Variants in SLC71A1 observed in about 807,000 individuals in gnomAD.
SLC71A1 encodes hippocampus abundant gene transcript 1.
the SLC71A1 span, among the ~76,000 whole-genome samples, chr1:100,053,050 T>C: frequency 2.0e-5 from 3 of 151,950 alleles, no homozygotes; most frequent in African/African-American, 7.3e-5. Context: ...TCCCAGAGTG[T>C]TGGGATTACA....
the SLC71A1 span, among the ~76,000 whole-genome samples, chr1:100,074,915 C>G: frequency 6.6e-6 from 1 of 152,032 alleles, no homozygotes; most frequent in African/African-American, 2.4e-5. Context: ...AATATATTCT[C>G]CAGTTAATCT....
chr1:100,038,445 G>A, the SLC71A1 span: 2 of 767,240 alleles, frequency 2.6e-6, no homozygotes, highest in South Asian at 3.2e-5. Context: ...CGAGCTGCCG[G>A]TGCCTCGGGG....
At chr1:100,046,408 T>G in the SLC71A1 span, among the ~76,000 whole-genome samples, 1 of 151,928 alleles carries the variant, frequency 6.6e-6, no homozygotes, top group East Asian at 1.9e-4. Flanking sequence ...GTATTTTTAG[T>G]AGAGACGGGG....
the SLC71A1 span, chr1:100,077,342 C>A: frequency 3.7e-6 from 3 of 805,928 alleles, no homozygotes; most frequent in Non-Finnish European, 6.3e-6. Context: ...TTTTTATTTG[C>A]TTCTCAACTG....
At chr1:100,073,630 G>A in the SLC71A1 span, among the ~76,000 whole-genome samples, 9 of 152,162 alleles carry the variant, frequency 5.9e-5, no homozygotes, top group Non-Finnish European at 2.9e-5. Context: ...TGTTAAATAA[G>A]CAGGCTCATA....
At chr1:100,072,305 G>A in the SLC71A1 span, among the ~76,000 whole-genome samples, 5 of 152,084 alleles carry the variant, frequency 3.3e-5, no homozygotes, top group African/African-American at 7.2e-5. Context: ...TCTTACCCAC[G>A]TGCTTTTGTT....
chr1:100,080,334 T>G, the SLC71A1 span: 1 of 598,170 alleles, frequency 1.7e-6, no homozygotes. Flanking sequence ...GTAGAGCTGA[T>G]AGCTTCTAAA....
At chr1:100,051,153 G>A in the SLC71A1 span, among the ~76,000 whole-genome samples, 1 of 151,840 alleles carries the variant, frequency 6.6e-6, no homozygotes. Flanking sequence ...AGTACTTTGG[G>A]AGGCCAAGGC....
the SLC71A1 span, chr1:100,081,919 T>A: frequency 9.8e-7 from 1 of 1,022,944 alleles, no homozygotes. Context: ...TTGTAATTCA[T>A]AAGTTAATAC....
At chr1:100,080,642 CA>C in the SLC71A1 span, 1 of 1,613,886 alleles carries the variant, frequency 6.2e-7, no homozygotes, top group Non-Finnish European at 8.5e-7. Context: ...CACAAGCCCT[CA>C]GCACCACTTT....
At chr1:100,057,724 C>G in the SLC71A1 span, among the ~76,000 whole-genome samples, 2 of 152,148 alleles carry the variant, frequency 1.3e-5, no homozygotes, top group African/African-American at 4.8e-5. Flanking sequence ...AGAAGAATAA[C>G]TGAAGAAAGG....
chr1:100,057,511 C>G, the SLC71A1 span, among the ~76,000 whole-genome samples: 2 of 151,884 alleles, frequency 1.3e-5, no homozygotes, highest in Non-Finnish European at 2.9e-5. Context: ...CCTGCCACCA[C>G]GCCTGGCTAA....
At chr1:100,066,563 C>A in the SLC71A1 span, among the ~76,000 whole-genome samples, 1 of 152,148 alleles carries the variant, frequency 6.6e-6, no homozygotes, top group Non-Finnish European at 1.5e-5. Context: ...GGCCCAAGAC[C>A]GTTCTTCCAG....
the SLC71A1 span, chr1:100,082,536 G>A: frequency 3.5e-6 from 1 of 286,170 alleles, no homozygotes; most frequent in Non-Finnish European, 6.8e-6. Flanking sequence ...ATTTCCTTAA[G>A]GTGTTGAGCT....
chr1:100,041,337 A>T, the SLC71A1 span, among the ~76,000 whole-genome samples: 1 of 152,220 alleles, frequency 6.6e-6, no homozygotes. Context: ...CACAATTAAG[A>T]TAAATTACAT....
chr1:100,041,718 G>C, the SLC71A1 span, among the ~76,000 whole-genome samples: 2 of 152,318 alleles, frequency 1.3e-5, no homozygotes, highest in African/African-American at 4.8e-5. Flanking sequence ...GAGGCCAGGA[G>C]TCTGAGACTA....
the SLC71A1 span, chr1:100,068,308 C>T: frequency 1.0e-6 from 1 of 1,004,218 alleles, no homozygotes; most frequent in South Asian, 1.6e-5. Flanking sequence ...TTTCTTTTAA[C>T]ATTTTGAAAT....
At chr1:100,056,099 C>G in the SLC71A1 span, among the ~76,000 whole-genome samples, 912 of 152,238 alleles carry the variant, frequency 6.0e-3, 8 homozygotes, top group African/African-American at 0.02. Context: ...TGTAGTCAAC[C>G]TGTTGTGCCT....
the SLC71A1 span, chr1:100,038,273 G>A: frequency 1.3e-6 from 2 of 1,561,330 alleles, no homozygotes; most frequent in Non-Finnish European, 1.7e-6. Context: ...GCGAACCGCA[G>A]TATCATGCTG....
Sources: allele counts gnomAD v4.1 joint callset (sites outside exome capture counted in the v4.1 genomes callset), GRCh38; gene constraint gnomAD v4.1.1; transcripts MANE v1.5; gene names NCBI Gene and HGNC (gene_info 2026-07-23, HGNC 2026-07-21).